TSPAN19: variants seen among roughly 807,000 people sequenced by gnomAD.
TSPAN19 encodes tetraspanin 19, also known as tetraspanin-19.
In TSPAN19, 44 loss-of-function variants were observed where a neutral mutation model predicts 35.1. That is an observed-to-expected ratio of 1.25 (90% CI 0.98 to 1.61). The LOEUF (loss-of-function observed/expected upper bound fraction) is 1.61. Ranked by LOEUF, TSPAN19 falls within the 40% of genes most tolerant of loss-of-function variation. The pLI is 0.00. For missense variants in TSPAN19, 290 were observed against 280.0 expected (o/e 1.04, Z -0.26); for synonymous variants, 79 against 92.0 (o/e 0.86, Z 0.81).
intron 3 of TSPAN19, among the ~76,000 whole-genome samples, chr12:85,029,389 GTAAT>G (rs1282680281): frequency 1.3e-5 from 2 of 152,086 alleles, no homozygotes; most frequent in Non-Finnish European, 2.9e-5. Context: ...TCAGATCAGA[GTAAT>G]TAGCATGTCC....
At position 85,015,969 on chromosome 12, in the gene TSPAN19, A is replaced by C; in HGVS notation, c.597T>G (p.Gly199=). 1.3e-6 allele frequency: 2 copies of C among 1,530,174 alleles called. No individual in the cohort carries two copies. The highest frequency in any genetic ancestry group is 1.8e-6 in the Non-Finnish European group (2 of 1,134,634). 94.8% of individuals were successfully genotyped at this position (1,530,174 alleles called of 1,614,324 possible). The change falls in exon 8 of 9, where the codon GGT becomes GGG. Residue 199 remains glycine (G), a splice_region_variant and synonymous_variant. Transcript: ENST00000532498. ...DEPLNATYLE[G]CENKISAWYN... is the part of the protein sequence containing the mutation. ...ACCATGCACTGATTTTATTTTCACA[A>C]CCCTAAGAAAAAGAAGTTATTCAGA...
At chr12:85,031,528 T>C (rs908047567) in intron 1 of TSPAN19, among the ~76,000 whole-genome samples, 3 of 152,086 alleles carry the variant, frequency 2.0e-5, no homozygotes, top group Non-Finnish European at 4.4e-5. Context: ...GTTGATGTGG[T>C]AATAATTAGC....
At chr12:85,014,921 T>C (rs1476285929) in intron 8 of TSPAN19, 1 of 159,266 alleles carries the variant, frequency 6.3e-6, no homozygotes, top group African/African-American at 2.4e-5. Context: ...CTTTTTTTTA[T>C]AGATAATGAA....
intron 1 of TSPAN19, among the ~76,000 whole-genome samples, chr12:85,035,937 T>C (rs971411737): frequency 3.4e-4 from 51 of 152,090 alleles, no homozygotes; most frequent in African/African-American, 1.2e-3. Flanking sequence ...TCTTTTCTTT[T>C]CTTTTTTAAA....
chr12:85,017,343 C>T, intron 7 of TSPAN19, 113 bp downstream of exon 7: 4 of 924,426 alleles, frequency 4.3e-6, no homozygotes, highest in African/African-American at 1.7e-5. Flanking sequence ...AGAATGTAGC[C>T]ACCGTCAACA....
At chr12:85,021,853 T>C (rs1458216317) in intron 5 of TSPAN19, among the ~76,000 whole-genome samples, 1 of 152,124 alleles carries the variant, frequency 6.6e-6, no homozygotes, top group African/African-American at 2.4e-5. Flanking sequence ...GCATTTCTCA[T>C]CTCAAAGCCT....
At chr12:85,022,623 G>A (rs1477987735) in intron 5 of TSPAN19, among the ~76,000 whole-genome samples, 1 of 152,008 alleles carries the variant, frequency 6.6e-6, no homozygotes, top group African/African-American at 2.4e-5. Context: ...AAAGCAAGTT[G>A]GTGATCCCTA....
intron 4 of TSPAN19, among the ~76,000 whole-genome samples, chr12:85,025,497 T>C (rs966575657): frequency 6.6e-6 from 1 of 151,142 alleles, no homozygotes; most frequent in Non-Finnish European, 1.5e-5. Flanking sequence ...GTATGTTAAA[T>C]CACCTTTAAG....
chr12:85,025,532 G>T (rs1008720875), intron 4 of TSPAN19, among the ~76,000 whole-genome samples: 12 of 150,766 alleles, frequency 8.0e-5, no homozygotes, highest in Admixed American at 5.3e-4. Flanking sequence ...TTTTTGTTGG[G>T]GGGGAGGTGG....
rs1430919434 is a variant in TSPAN19 at position 85,014,554 on chromosome 12, A to G, written c.680T>C (p.Val227Ala). The G allele has an allele frequency of 6.3e-7, 1 of 1,594,602 alleles. No individual in the cohort carries two copies. The highest frequency in any genetic ancestry group is 8.6e-7 in the Non-Finnish European group (1 of 1,168,106). ...ACAAACTGTTAATGAGACTTGGAAA[A>G]CCTGGAAGAAAAGGGAACAATAAGA... The part of the protein sequence containing the change: ...GINFGLLTSE[V>A]FQVSLTVCFF... Residue 227 changes from valine to alanine, a missense_variant and splice_region_variant, in exon 9 of 9, where the codon GTT becomes GCT. Transcript: ENST00000532498.
intron 1 of TSPAN19, among the ~76,000 whole-genome samples, chr12:85,030,358 G>C (rs1443625957): frequency 6.6e-6 from 1 of 152,038 alleles, no homozygotes; most frequent in Non-Finnish European, 1.5e-5. Flanking sequence ...TAGATAGCCA[G>C]GAACATTTCC....
intron 5 of TSPAN19, among the ~76,000 whole-genome samples, chr12:85,022,618 A>AGAT: frequency 6.6e-6 from 1 of 152,116 alleles, no homozygotes; most frequent in Non-Finnish European, 1.5e-5. Context: ...GCTGTAAAGC[A>AGAT]AGTTGGTGAT....
intron 7 of TSPAN19, 166 bp from the exon 8 acceptor site, chr12:85,016,137 G>A (rs1876782118): frequency 1.2e-5 from 6 of 485,118 alleles, no homozygotes; most frequent in Admixed American, 8.4e-5. Flanking sequence ...AGCTTTCTAC[G>A]GCAGCAGGAC....
Position 85,027,915 on chromosome 12 carries a change from C to T in TSPAN19, c.248G>A (p.Arg83Lys), listed in dbSNP as rs948816536. The stretch of plus-strand genomic sequence containing the variant: ...AATACGTACCACAATTAGGAGCCAT[C>T]TGATTTCGTTGTGAATTCCTATATA... ...LGYIGIHNEI[R>K]WLLIVYAVLI... The change falls in exon 4 of 9, where the codon AGA (arginine) becomes AAA (lysine). Residue 83 changes from arginine (R) to lysine (K), a missense_variant. Physicochemically the swap from Arg to Lys is conservative, Grantham distance 26 (BLOSUM62 2). Coordinates refer to ENST00000532498, the MANE Select transcript of TSPAN19 (RefSeq NM_001100917.2). 1 of 1,578,628 alleles carries T rather than the reference C, an allele frequency of 6.3e-7. No individual in the cohort carries two copies. The highest frequency in any genetic ancestry group is 1.4e-5 in the African/African-American group (1 of 73,900).
At chr12:85,025,086 C>G (rs1877330451) in intron 4 of TSPAN19, among the ~76,000 whole-genome samples, 1 of 150,974 alleles carries the variant, frequency 6.6e-6, no homozygotes, top group South Asian at 2.1e-4. Context: ...CAATATCTCA[C>G]TTAATCTTAT....
In TSPAN19 at chr12:85,017,452, T is replaced by G; in HGVS notation, c.594+4A>C. 6.2e-7 allele frequency: 1 copy of G among 1,605,402 alleles called. No individual in the cohort carries two copies. The highest frequency in any genetic ancestry group is 8.5e-7 in the Non-Finnish European group (1 of 1,175,754). ...TACTTGTAGAAGCCTAGATTTATCT[T>G]TACCTCAAGGTAAGTTGCATTCAGT... On this transcript the variant is annotated splice_donor_region_variant and intron_variant, in intron 7 of 8. Coordinates refer to ENST00000532498, the MANE Select transcript of TSPAN19 (RefSeq NM_001100917.2).
chr12:85,017,923 A>G (rs1876906196), intron 6 of TSPAN19, among the ~76,000 whole-genome samples: 1 of 151,836 alleles, frequency 6.6e-6, no homozygotes, highest in African/African-American at 2.4e-5. Flanking sequence ...AATATAAAAC[A>G]ATCACTGGAG....
intron 1 of TSPAN19, among the ~76,000 whole-genome samples, chr12:85,035,802 C>T (rs1877970081): frequency 1.3e-5 from 2 of 152,100 alleles, no homozygotes; most frequent in African/African-American, 4.8e-5. Context: ...TATTGAAATA[C>T]TGTGTGACAA....
At position 85,027,911 on chromosome 12, in the gene TSPAN19, C is replaced by T; in HGVS notation, c.252G>A (p.Trp84Ter). ...ATGAAATACGTACCACAATTAGGAG[C>T]CATCTGATTTCGTTGTGAATTCCTA... ...GYIGIHNEIR[W>*]LLIVYAVLIT... The change falls in exon 4 of 9, where the codon TGG (tryptophan) becomes TGA (stop). Residue 84 changes from tryptophan (W) to a stop codon, truncating the protein, a stop_gained. Transcript: ENST00000532498. LOFTEE classifies it high-confidence loss of function. 6 of 1,574,866 alleles carry T rather than the reference C, an allele frequency of 3.8e-6. No homozygotes were observed. The highest frequency in any genetic ancestry group is 1.9e-5 in the Admixed American group (1 of 52,916).
Sources: gnomAD v4.1 joint callset for allele counts (sites outside exome capture counted in the v4.1 genomes callset) on GRCh38, gnomAD v4.1.1 for gene constraint, MANE v1.5 for transcripts, NCBI Gene and HGNC (gene_info 2026-07-23, HGNC 2026-07-21) for gene names.